NUDT4: variants seen among roughly 807,000 people sequenced by gnomAD.
NUDT4 encodes the protein diphosphoinositol polyphosphate phosphohydrolase 2.
NUDT4 carries 5 observed loss-of-function variants against 23.1 expected under a neutral mutation model. That is an observed-to-expected ratio of 0.22 (90% CI 0.11 to 0.46). The LOEUF (loss-of-function observed/expected upper bound fraction) is 0.46. Ranked by LOEUF, NUDT4 falls within the 20% of genes least tolerant of loss-of-function variation. The pLI, the probability that NUDT4 is intolerant of heterozygous loss-of-function variation, is 0.99. For missense variants in NUDT4, 96 were observed against 211.6 expected, an observed-to-expected ratio of 0.45 and a Z score of 3.39; for synonymous variants, 50 against 79.0, an observed-to-expected ratio of 0.63 and a Z score of 1.95.
At position 93,404,901 on chromosome 12, in the gene NUDT4, T is replaced by C. The variant is rs1374302040; in HGVS notation, c.*5522T>C. 1 of 147,338 alleles carries C rather than the reference T, an allele frequency of 6.8e-6. No homozygotes were observed. The highest frequency in any genetic ancestry group is 2.7e-5 in the African/African-American group (1 of 36,998). The allele number at this position is 147,338 out of a possible 1,614,324, so 9.1% of individuals were successfully genotyped here. ...CAACAAGTTTAAAATTTTTTTAATG[T>C]TTTAGGTTTTTTTTTTTTTAAAAAA... On this transcript the variant is annotated 3_prime_UTR_variant, in exon 5 of 5. Coordinates refer to ENST00000415493, the MANE Select transcript of NUDT4 (RefSeq NM_019094.6).
intron 3 of NUDT4, among the ~76,000 whole-genome samples, 157 bp from the exon 4 acceptor site, chr12:93,398,614 C>T (rs1877114836): frequency 6.6e-6 from 1 of 152,158 alleles, no homozygotes; most frequent in Non-Finnish European, 1.5e-5. Flanking sequence ...TATATAAAGT[C>T]ACTTTTGTGT....
intron 1 of NUDT4, among the ~76,000 whole-genome samples, chr12:93,391,346 C>G: frequency 6.6e-6 from 1 of 151,970 alleles, no homozygotes. Context: ...AGGCAGATCA[C>G]TTGAAGTCAG....
Position 93,404,210 on chromosome 12 carries a change from T to C in NUDT4, c.*4831T>C, listed in dbSNP as rs555671106. 2.0e-5 allele frequency: 3 copies of C among 152,284 alleles called. No homozygotes were observed. The highest frequency in any genetic ancestry group is 7.2e-5 in the African/African-American group (3 of 41,572). The allele number at this position is 152,284 out of a possible 1,614,324, so 9.4% of individuals were successfully genotyped here. On this transcript the variant is annotated 3_prime_UTR_variant, in exon 5 of 5. Transcript: ENST00000415493. ...ATTGACGAAGTAAATATACTAGGAATTCAACGTATCTACGGGAATGTGGAC... is the reference window on the plus strand; with the variant it reads ...ATTGACGAAGTAAATATACTAGGAACTCAACGTATCTACGGGAATGTGGAC...
chr12:93,389,849 G>A (rs753307937), intron 1 of NUDT4, among the ~76,000 whole-genome samples: 7 of 151,662 alleles, frequency 4.6e-5, no homozygotes, highest in Admixed American at 6.6e-5. Context: ...GCAGTGAGCC[G>A]AGATTGCACC....
chr12:93,386,284 T>C (rs928420121), intron 1 of NUDT4, among the ~76,000 whole-genome samples: 1 of 151,872 alleles, frequency 6.6e-6, no homozygotes, highest in African/African-American at 2.4e-5. Context: ...ATAGAAGATA[T>C]TAATAGTTCA....
intron 1 of NUDT4, among the ~76,000 whole-genome samples, chr12:93,392,413 G>C (rs890795425): frequency 6.8e-6 from 1 of 147,188 alleles, no homozygotes; most frequent in African/African-American, 2.5e-5. Flanking sequence ...CTTCCACCAC[G>C]CCCGGCTAAT....
chr12:93,378,900 T>G, intron 1 of NUDT4: 1 of 542,988 alleles, frequency 1.8e-6, no homozygotes, highest in South Asian at 8.0e-5. Flanking sequence ...TAACAGACAG[T>G]CCTCGTGCTT....
At chr12:93,381,962 G>A (rs563570851) in intron 1 of NUDT4, among the ~76,000 whole-genome samples, 2 of 152,208 alleles carry the variant, frequency 1.3e-5, no homozygotes, top group East Asian at 3.9e-4. Flanking sequence ...CAGTCTGAAG[G>A]ACTAACCACT....
At chr12:93,388,356 G>T (rs1876248427) in intron 1 of NUDT4, among the ~76,000 whole-genome samples, 1 of 152,176 alleles carries the variant, frequency 6.6e-6, no homozygotes. Flanking sequence ...CTATGTGACT[G>T]TATTCCAACC....
intron 1 of NUDT4, among the ~76,000 whole-genome samples, chr12:93,383,172 T>TA (rs1314185566): frequency 6.6e-6 from 1 of 151,986 alleles, no homozygotes; most frequent in East Asian, 1.9e-4. Context: ...ACCTGCTAGG[T>TA]AAAAAATCCA....
At chr12:93,390,206 T>C (rs1876392807) in intron 1 of NUDT4, among the ~76,000 whole-genome samples, 1 of 152,200 alleles carries the variant, frequency 6.6e-6, no homozygotes, top group Non-Finnish European at 1.5e-5. Context: ...TTAGAGAGCA[T>C]AGAATTGTGT....
At position 93,400,104 on chromosome 12, in the gene NUDT4, A is replaced by G. The variant is rs542967682; in HGVS notation, c.*725A>G. Reference sequence around the variant, plus strand: ...AGGGAAATATTAGCAAAATGCATGTAGTAAAGACATCTTATGAAAACTGTA... The same window carrying G: ...AGGGAAATATTAGCAAAATGCATGTGGTAAAGACATCTTATGAAAACTGTA... On this transcript the variant is annotated 3_prime_UTR_variant, in exon 5 of 5. Coordinates refer to ENST00000415493, the MANE Select transcript of NUDT4 (RefSeq NM_019094.6). The G allele has an allele frequency of 6.7e-6, 1 of 148,306 alleles. No individual in the cohort carries two copies. Among genetic ancestry groups the G allele is most frequent in the Admixed American group, 6.8e-5 (1 of 14,674 alleles). 9.2% of individuals were successfully genotyped at this position (148,306 alleles called of 1,614,324 possible). A position where few individuals can be genotyped will look rare whatever the true frequency, so the allele number is the denominator to read the frequency against.
In NUDT4 at chr12:93,406,295, A is replaced by AAAAAAAAAAAAAAAAAAAAAAAAAAAAC. The variant is rs1877812552; in HGVS notation, c.*6926_*6927insAAAAAAAAAAAAAAAAACAAAAAAAAAA. The AAAAAAAAAAAAAAAAAAAAAAAAAAAAC allele has an allele frequency of 6.9e-6, 1 of 144,758 alleles. No individual in the cohort carries two copies. The highest frequency in any genetic ancestry group is 1.5e-5 in the Non-Finnish European group (1 of 66,430). The allele number at this position is 144,758 out of a possible 1,614,324, so 9.0% of individuals were successfully genotyped here. A position where few individuals can be genotyped will look rare whatever the true frequency, so the allele number is the denominator to read the frequency against. On this transcript the variant is annotated 3_prime_UTR_variant, in exon 5 of 5. Coordinates refer to ENST00000415493, the MANE Select transcript of NUDT4 (RefSeq NM_019094.6). Reference sequence around the variant, plus strand: ...GCAGCCAAAAAAAAAAAAAAAAAAAAAAAAAAAAAAGGTTCCTGAACCATT... The same window carrying AAAAAAAAAAAAAAAAAAAAAAAAAAAAC: ...GCAGCCAAAAAAAAAAAAAAAAAAAAAAAAAAAAAAAAAAAAAAAAAAAAAAACAAAAAAAAAAGGTTCCTGAACCATT...
chr12:93,381,354 A>G (rs781684727), intron 1 of NUDT4, among the ~76,000 whole-genome samples: 2 of 152,220 alleles, frequency 1.3e-5, no homozygotes, highest in Non-Finnish European at 2.9e-5. Flanking sequence ...ACAGGCCCAC[A>G]GCTAATTGCC....
intron 3 of NUDT4, among the ~76,000 whole-genome samples, chr12:93,397,126 A>G (rs1173253066): frequency 1.3e-5 from 2 of 152,188 alleles, no homozygotes; most frequent in Non-Finnish European, 2.9e-5. Flanking sequence ...GTCAATCAAA[A>G]AATACCTTTC....
chr12:93,383,058 G>C (rs979350956), intron 1 of NUDT4, among the ~76,000 whole-genome samples: 1 of 128,848 alleles, frequency 7.8e-6, no homozygotes, highest in Non-Finnish European at 1.7e-5. Context: ...AGGCATTAAC[G>C]TAGAATTTGC....
In NUDT4 at chr12:93,397,759, A is replaced by T. The variant is rs988492422; in HGVS notation, c.256-1012A>T. 2.6e-5 allele frequency among the ~76,000 whole-genome samples: 4 copies of T among 152,148 alleles called. 1 individual carries two copies. The highest frequency in any genetic ancestry group is 1.9e-4 in the East Asian group (1 of 5,152). On this transcript the variant is annotated intron_variant, in intron 3 of 4. Transcript: ENST00000415493. ...AGGCTGGGCTCGAACTCCTGACCTCAAGTGATCTGCCCGCCTTGGCCTCCC... is the reference window on the plus strand; with the variant it reads ...AGGCTGGGCTCGAACTCCTGACCTCTAGTGATCTGCCCGCCTTGGCCTCCC...
chr12:93,383,417 G>A (rs541880550), intron 1 of NUDT4, among the ~76,000 whole-genome samples: 34 of 152,124 alleles, frequency 2.2e-4, no homozygotes, highest in Non-Finnish European at 4.0e-4. Context: ...CTAATAACAC[G>A]GCTGGCCTAA....
chr12:93,395,255 G>A (rs1014467593), intron 2 of NUDT4, among the ~76,000 whole-genome samples: 1 of 152,128 alleles, frequency 6.6e-6, no homozygotes, highest in African/African-American at 2.4e-5. Context: ...CAAAGTGCTG[G>A]GATTACAGAC....
Sources: gnomAD v4.1 joint callset for allele counts (sites outside exome capture counted in the v4.1 genomes callset) on GRCh38, gnomAD v4.1.1 for gene constraint, MANE v1.5 for transcripts, NCBI Gene and HGNC (gene_info 2026-07-23, HGNC 2026-07-21) for gene names.